DNAH12: variants seen among roughly 807,000 people sequenced by gnomAD.
DNAH12 encodes axonemal beta dynein heavy chain 12.
In DNAH12, 285 loss-of-function variants were observed where a neutral mutation model predicts 371.5. That is an observed-to-expected ratio of 0.77 (90% CI 0.70 to 0.85). The LOEUF (loss-of-function observed/expected upper bound fraction) is 0.85, where lower values mean the gene tolerates loss of function less well. DNAH12 is among the 40% of genes least tolerant of loss of function. The pLI is 0.00. For missense variants in DNAH12, 3,611 were observed against 3,689.4 expected, an observed-to-expected ratio of 0.98 and a Z score of 0.55; for synonymous variants, 1,200 against 1,213.0, an observed-to-expected ratio of 0.99 and a Z score of 0.22.
intron 70 of DNAH12, among the ~76,000 whole-genome samples, chr3:57,300,670 G>A (rs1267132231): frequency 6.6e-6 from 1 of 152,116 alleles, no homozygotes; most frequent in Non-Finnish European, 1.5e-5. Flanking sequence ...CGATATAGGA[G>A]AAAGTCTGTC....
intron 62 of DNAH12, among the ~76,000 whole-genome samples, chr3:57,330,418 A>G (rs896739052): frequency 6.6e-6 from 1 of 151,774 alleles, no homozygotes; most frequent in Admixed American, 6.6e-5. Flanking sequence ...TTGTAGGGAC[A>G]TGGATGAAGC....
intron 44 of DNAH12, among the ~76,000 whole-genome samples, chr3:57,393,625 C>CAAAAAAAAAAAA (rs1180952196): frequency 2.3e-4 from 15 of 64,300 alleles, no homozygotes; most frequent in African/African-American, 1.0e-3. Context: ...GACTCTGTCT[C>CAAAAAAAAAAAA]AAAAAAAAAA....
In DNAH12 at chr3:57,433,453, G is replaced by C. The variant is rs201785147; in HGVS notation, c.4894C>G (p.Pro1632Ala). 249 of 1,551,346 alleles carry C rather than the reference G, an allele frequency of 1.6e-4. No homozygotes were observed. The highest frequency in any genetic ancestry group is 2.0e-4 in the Non-Finnish European group (233 of 1,146,912). Residue 1632 changes from proline to alanine, a missense_variant, in exon 32 of 74, where the codon CCT (proline) becomes GCT (alanine). This residue lies in a region of DNAH12 where 2,266 missense variants were observed against 2,236.9 expected (regional missense o/e 1.01). Transcript: ENST00000495027. ...TCAAATACAACCCATTTCCGGTCAG[G>C]TGTTTCTGATAAGGCAAATTCTCTA... ...TFREFALSET[P>A]DRKWVVFDGP...
intron 2 of DNAH12, among the ~76,000 whole-genome samples, chr3:57,528,688 T>C (rs1272940213): frequency 2.0e-5 from 3 of 149,562 alleles, no homozygotes; most frequent in Non-Finnish European, 4.4e-5. Flanking sequence ...ATCATGCCAT[T>C]GCACTCCAGC....
At chr3:57,472,517 C>A in intron 14 of DNAH12, 29 bp downstream of exon 14, 1 of 1,530,660 alleles carries the variant, frequency 6.5e-7, no homozygotes, top group East Asian at 2.5e-5. Context: ...TGTCAGATTA[C>A]AAAAATACAT....
At chr3:57,308,539 G>A (rs911681405) in intron 69 of DNAH12, among the ~76,000 whole-genome samples, 5 of 151,976 alleles carry the variant, frequency 3.3e-5, no homozygotes, top group Non-Finnish European at 7.4e-5. Context: ...AGATCAACTT[G>A]GACTGTGCCC....
chr3:57,379,000 G>C (rs1453973501), intron 52 of DNAH12, among the ~76,000 whole-genome samples, 158 bp downstream of exon 52: 1 of 152,126 alleles, frequency 6.6e-6, no homozygotes, highest in Non-Finnish European at 1.5e-5. Flanking sequence ...TATTCTCCTC[G>C]TCTGCTAGGT....
chr3:57,323,562 G>C lies in DNAH12; in HGVS notation c.10036C>G (p.Pro3346Ala). 1 of 1,550,384 alleles carries C rather than the reference G, an allele frequency of 6.5e-7. No individual in the cohort carries two copies. The highest frequency in any genetic ancestry group is 8.7e-7 in the Non-Finnish European group (1 of 1,146,632). ...CTCTTTGTCAAATCAAATGGTGGAG[G>C]CTCTACAAACTTTTTCCCTAGTTTG... The part of the protein sequence containing the change: ...TDKLGKKFVE[P>A]PPFDLTKSYL... The change falls in exon 63 of 74, where the codon CCT becomes GCT. Residue 3346 changes from proline to alanine, a missense_variant. Around this residue, in one of 3 missense-constraint regions of DNAH12, gnomAD observed 2,266 missense variants for 2,236.9 expected, o/e 1.01. Transcript: ENST00000495027.
chr3:57,352,673 A>G (rs954365709), intron 59 of DNAH12, among the ~76,000 whole-genome samples: 67 of 152,304 alleles, frequency 4.4e-4, no homozygotes, highest in African/African-American at 1.5e-3. Context: ...AAAAATGCCT[A>G]TTAAATCTCT....
At position 57,323,496 on chromosome 3, in the gene DNAH12, G is replaced by A. The variant is rs1202321550; in HGVS notation, c.10102C>T (p.Leu3368=). 6.5e-7 allele frequency: 1 copy of A among 1,550,122 alleles called. No homozygotes were observed. ...SNCTIPLIFV[L]SPGADPMASL... ...GCCATAGGATCTGCTCCTGGAGATA[G>A]AACAAAAATTAAGGGAATGGTGCAA... The change falls in exon 63 of 74, where the codon CTA becomes TTA. Residue 3368 remains leucine (L), a synonymous_variant. Transcript: ENST00000495027.
At chr3:57,529,984 C>T (rs1276338383) in intron 2 of DNAH12, among the ~76,000 whole-genome samples, 1 of 152,076 alleles carries the variant, frequency 6.6e-6, no homozygotes, top group Non-Finnish European at 1.5e-5. Flanking sequence ...TTAATTTCTT[C>T]ATTGACTCAC....
chr3:57,315,894 G>A (rs1286176987), intron 65 of DNAH12, among the ~76,000 whole-genome samples: 1 of 152,004 alleles, frequency 6.6e-6, no homozygotes, highest in African/African-American at 2.4e-5. Context: ...GAAATCTCGA[G>A]GAAAGAAAAC....
intron 11 of DNAH12, among the ~76,000 whole-genome samples, chr3:57,490,160 A>C (rs1157940293): frequency 6.6e-6 from 1 of 152,046 alleles, no homozygotes; most frequent in Non-Finnish European, 1.5e-5. Flanking sequence ...TAAGGAACTT[A>C]TTGGTTTTTG....
intron 61 of DNAH12, 74 bp downstream of exon 61, chr3:57,334,708 T>C: frequency 6.6e-7 from 1 of 1,506,682 alleles, no homozygotes; most frequent in Non-Finnish European, 8.8e-7. Flanking sequence ...TTAAAACCAT[T>C]TAAAAATCAC....
chr3:57,424,996 A>G (rs2064719202), intron 35 of DNAH12, 26 bp downstream of exon 35: 1 of 687,968 alleles, frequency 1.5e-6, no homozygotes. Flanking sequence ...TTTATAATTA[A>G]AAACTACATG....
intron 2 of DNAH12, among the ~76,000 whole-genome samples, chr3:57,542,166 G>A (rs1405185864): frequency 7.8e-6 from 1 of 127,902 alleles, no homozygotes; most frequent in South Asian, 2.5e-4. Context: ...GGGGGGGGGG[G>A]GGGCGGTGAG....
At position 57,433,384 on chromosome 3, in the gene DNAH12, A is replaced by G; in HGVS notation, c.4963T>C (p.Leu1655=). The G allele has an allele frequency of 1.3e-6, 2 of 1,551,084 alleles. No homozygotes were observed. Among genetic ancestry groups the G allele is most frequent in the Middle Eastern group, 1.7e-4 (1 of 5,990 alleles). The part of the protein sequence containing the change: ...TLWIESMNTV[L]DDNKKLCLMS... The stretch of plus-strand genomic sequence containing the variant: ...TGATTTACCTTTTTATTATCATCCA[A>G]TACTGTGTTCATGCTCTCTATCCAC... The change falls in exon 32 of 74, where the codon TTG becomes CTG. Residue 1655 remains leucine, a synonymous_variant. Coordinates refer to ENST00000495027, the MANE Select transcript of DNAH12 (RefSeq NM_001366028.2).
chr3:57,300,698 G>A (rs1006747153), intron 70 of DNAH12, among the ~76,000 whole-genome samples: 2 of 152,098 alleles, frequency 1.3e-5, no homozygotes, highest in Non-Finnish European at 2.9e-5. Flanking sequence ...ATTCTTACAA[G>A]CACTGGTTAT....
chr3:57,419,933 T>C (rs6445878), intron 36 of DNAH12, among the ~76,000 whole-genome samples: 133,529 of 152,236 alleles, frequency 0.88, 59,007 homozygotes, highest in South Asian at 0.92. Flanking sequence ...TACTTCAAGT[T>C]ACAATTTCCT....
Sources: gnomAD v4.1 joint callset for allele counts (sites outside exome capture counted in the v4.1 genomes callset) on GRCh38, gnomAD v4.1.1 for gene constraint, gnomAD v4.1.1 regional missense constraint, MANE v1.5 for transcripts, NCBI Gene and HGNC (gene_info 2026-07-23, HGNC 2026-07-21) for gene names.